Variants in SLC45A1 observed in about 807,000 individuals in gnomAD.
The protein encoded by SLC45A1 is solute carrier family 45 member 1.
Under a neutral mutation model 57.6 loss-of-function variants are expected in SLC45A1, and 28 were observed. The observed-to-expected ratio is 0.49, with a 90% CI of 0.36 to 0.67. SLC45A1 has a LOEUF of 0.67. SLC45A1 is among the 30% of genes least tolerant of loss of function. The pLI, the probability that SLC45A1 is intolerant of heterozygous loss-of-function variation, is 0.00. For missense variants in SLC45A1, 814 were observed against 1,041.5 expected, an observed-to-expected ratio of 0.78 and a Z score of 3.01; for synonymous variants, 459 against 471.5, an observed-to-expected ratio of 0.97 and a Z score of 0.34.
rs1020218395 is a variant in SLC45A1, at chr1:8,340,039, C to A, written c.1980+341C>A. 2.0e-4 allele frequency among the ~76,000 whole-genome samples: 30 copies of A among 152,270 alleles called. No homozygotes were observed. In the South Asian group the frequency reaches 3.7e-3, roughly 19 times the overall value. On this transcript the variant is annotated intron_variant, in intron 8 of 8. Transcript: ENST00000471889. The stretch of plus-strand genomic sequence containing the variant: ...CCTGTCCCAGCCATTCAGGGTGGGG[C>A]TTATGGGGAGGCAGTGAAGCTCGGA...
At position 8,330,205 on chromosome 1, in the gene SLC45A1, C is replaced by T. The variant is rs370872627; in HGVS notation, c.716-4C>T. ...GGGAACTCAAACCCTGTCTCTTTCC[C>T]CAGGTCTCGGAGGAGGCTTTGGATA... On this transcript the variant is annotated splice_polypyrimidine_tract_variant and splice_region_variant and intron_variant, in intron 4 of 8. Transcript: ENST00000471889. The surrounding 1 kb of genome is among the most constrained non-coding windows in gnomAD (Gnocchi z 8.4). 4 of 1,611,132 alleles carry T rather than the reference C, an allele frequency of 2.5e-6. No homozygotes were observed. The South Asian group carries it at 3.3e-5, about 13-fold the overall frequency.
At chr1:8,319,555 CAGGGAGATG>C (rs1346370323) in intron 1 of SLC45A1, among the ~76,000 whole-genome samples, 1 of 152,144 alleles carries the variant, frequency 6.6e-6, no homozygotes, top group African/African-American at 2.4e-5. Context: ...TCGGGGGATC[CAGGGAGATG>C]AGTGGATTTC....
Position 8,343,956 on chromosome 1 carries a change from A to C in SLC45A1, c.2190A>C (p.Glu730Asp), listed in dbSNP as rs545334376. Residue 730 changes from glutamate (E) to aspartate (D), a missense_variant, in exon 9 of 9, where the codon GAA (glutamate) becomes GAC (aspartate). Physicochemically the swap from Glu to Asp is conservative, Grantham distance 45. Coordinates refer to ENST00000471889, the MANE Select transcript of SLC45A1 (RefSeq NM_001080397.3). This position sits in a 1 kb window ranked among gnomAD's most constrained non-coding sequence, Gnocchi z 7.7. The part of the protein sequence containing the change: ...CLYSSLFVIY[E>D]IPPSDAADEE... The stretch of plus-strand genomic sequence containing the variant: ...ACTCCTCCCTGTTTGTCATTTATGA[A>C]ATTCCTCCCAGCGACGCTGCAGACG... 1.6e-5 allele frequency: 26 copies of C among 1,613,868 alleles called. No individual in the cohort carries two copies. The highest frequency in any genetic ancestry group is 9.9e-5 in the South Asian group (9 of 91,056).
In SLC45A1 at chr1:8,328,660, G is replaced by A. The variant is rs1162812053; in HGVS notation, c.716-1549G>A. ...TCAAGACCAGCTTGGCCAACATGGT[G>A]AAACCCCATCTCTACTAAACATACA... On this transcript the variant is annotated intron_variant, in intron 4 of 8. Transcript: ENST00000471889. This position sits in a 1 kb window ranked among gnomAD's most constrained non-coding sequence, Gnocchi z 4.6. Among the ~76,000 whole-genome samples the A allele has an allele frequency of 2.0e-5, 3 of 151,730 alleles. No individual in the cohort carries two copies. The highest frequency in any genetic ancestry group is 1.3e-4 in the Admixed American group (2 of 15,222).
chr1:8,325,650 A>G lies in SLC45A1; in HGVS notation c.491-168A>G, dbSNP rs1046593075. Among the ~76,000 whole-genome samples, 1 of 152,128 alleles carries G rather than the reference A, an allele frequency of 6.6e-6. No homozygotes were observed. The highest frequency in any genetic ancestry group is 1.9e-4 in the East Asian group (1 of 5,196). On this transcript the variant is annotated intron_variant, in intron 3 of 8. Transcript: ENST00000471889. This position sits in a 1 kb window ranked among gnomAD's most constrained non-coding sequence, Gnocchi z 6.3. Reference sequence around the variant, plus strand: ...CTTAATGAAATAAAAACCCCCATCCAAGTGCAAAATATATGGTGAGTTTGC... The same window carrying G: ...CTTAATGAAATAAAAACCCCCATCCGAGTGCAAAATATATGGTGAGTTTGC...
In SLC45A1 at chr1:8,330,889, G is replaced by A. The variant is rs199714755; in HGVS notation, c.1396G>A (p.Gly466Arg). 5.0e-6 allele frequency: 8 copies of A among 1,603,162 alleles called. No individual in the cohort carries two copies. The Admixed American group carries it at 6.7e-5, about 13-fold the overall frequency. Residue 466 changes from glycine (G) to arginine (R), a missense_variant, in exon 5 of 9, where the codon GGG becomes AGG. Transcript: ENST00000471889. The surrounding 1 kb of genome is among the most constrained non-coding windows in gnomAD (Gnocchi z 8.4). ...GGCCATCCCGGACGCAGCCGGAGGAGGGGGTCCCGAAACCAGCAGGAGAAG... is the reference window on the plus strand; with the variant it reads ...GGCCATCCCGGACGCAGCCGGAGGAAGGGGTCCCGAAACCAGCAGGAGAAG... ...TLAIPDAAGGGGPETSRRRNV... is the reference protein window; with the variant it reads ...TLAIPDAAGGRGPETSRRRNV...
At chr1:8,342,071 G>A (rs1167968082) in intron 8 of SLC45A1, among the ~76,000 whole-genome samples, 2 of 148,626 alleles carry the variant, frequency 1.3e-5, no homozygotes, top group African/African-American at 5.0e-5. Context: ...GCCGGGCGTG[G>A]TGGCGGGCGC....
chr1:8,324,389 A>G lies in SLC45A1; in HGVS notation c.60A>G (p.Pro20=). 6.2e-7 allele frequency: 1 copy of G among 1,612,562 alleles called. No homozygotes were observed. The highest frequency in any genetic ancestry group is 8.5e-7 in the Non-Finnish European group (1 of 1,179,918). ...PGDALFPSVA[P]QDFWRSQVTG... is the part of the protein sequence containing the mutation. ...ATGCCCTCTTCCCCAGCGTGGCCCC[A>G]CAGGACTTCTGGAGGTCCCAGGTCA... is the stretch of plus-strand genomic sequence containing the variant. Residue 20 remains proline, a synonymous_variant, in exon 2 of 9, where the codon CCA becomes CCG. Coordinates refer to ENST00000471889, the MANE Select transcript of SLC45A1 (RefSeq NM_001080397.3).
In SLC45A1 at chr1:8,335,885, G is replaced by A. The variant is rs1640595193; in HGVS notation, c.1597+295G>A. On this transcript the variant is annotated intron_variant, in intron 6 of 8. Coordinates refer to ENST00000471889, the MANE Select transcript of SLC45A1 (RefSeq NM_001080397.3). This position sits in a 1 kb window ranked among gnomAD's most constrained non-coding sequence, Gnocchi z 4.1. ...AGAGCCAAAATTCTCACTACCAGAA[G>A]CCCTTTGGACAACTCCACAGTGAAA... 6.6e-6 allele frequency among the ~76,000 whole-genome samples: 1 copy of A among 152,170 alleles called. No individual in the cohort carries two copies. The highest frequency in any genetic ancestry group is 1.5e-5 in the Non-Finnish European group (1 of 68,038).
At chr1:8,319,994 A>T (rs112673896) in intron 1 of SLC45A1, among the ~76,000 whole-genome samples, 1 of 152,130 alleles carries the variant, frequency 6.6e-6, no homozygotes, top group African/African-American at 2.4e-5. Context: ...CTGGCATTAC[A>T]GGCGTCAGCC....
chr1:8,325,346 C>T lies in SLC45A1; in HGVS notation c.446C>T (p.Ser149Leu), dbSNP rs1206096349. 6.2e-7 allele frequency: 1 copy of T among 1,613,322 alleles called. No homozygotes were observed. Residue 149 changes from serine (S) to leucine (L), a missense_variant, in exon 3 of 9, where the codon TCA becomes TTA. Coordinates refer to ENST00000471889, the MANE Select transcript of SLC45A1 (RefSeq NM_001080397.3). The surrounding 1 kb of genome is among the most constrained non-coding windows in gnomAD (Gnocchi z 6.3). ...GGTGCTTGGAGTGACCGGTGTACCTCAAGGTTTGGAAGGAGACGCCCTTTC... is the reference window on the plus strand; with the variant it reads ...GGTGCTTGGAGTGACCGGTGTACCTTAAGGTTTGGAAGGAGACGCCCTTTC... ...LLGAWSDRCT[S>L]RFGRRRPFIL...
rs55944229 is a variant in SLC45A1, at chr1:8,341,558, GAA to G, written c.1980+1874_1980+1875del. Among the ~76,000 whole-genome samples the G allele has an allele frequency of 2.2e-5, 3 of 134,174 alleles. No individual in the cohort carries two copies. The Admixed American group carries it at 2.4e-4, about 11-fold the overall frequency. The allele number at this position is 134,174 out of a possible 152,430, so 88.0% of individuals were successfully genotyped here. On this transcript the variant is annotated intron_variant, in intron 8 of 8. Coordinates refer to ENST00000471889, the MANE Select transcript of SLC45A1 (RefSeq NM_001080397.3). ...TCAAAAAAAAAGATAGTAATACTTTGAAAAAAAAAAAAAAAGGATCAGTAACA... is the reference window on the plus strand; with the variant it reads ...TCAAAAAAAAAGATAGTAATACTTTGAAAAAAAAAAAAAGGATCAGTAACA...
rs1463615693 is a variant in SLC45A1 at position 8,326,873 on chromosome 1, G to C, written c.715+831G>C. ...CACATGCCTGTAATCCCAGCTACTT[G>C]GGAGGCTGAGGCAGGAGAATCACTT... is the stretch of plus-strand genomic sequence containing the variant. On this transcript the variant is annotated intron_variant, in intron 4 of 8. Transcript: ENST00000471889. The surrounding 1 kb of genome is among the most constrained non-coding windows in gnomAD (Gnocchi z 5.5). Among the ~76,000 whole-genome samples the C allele has an allele frequency of 1.3e-5, 2 of 152,200 alleles. No individual in the cohort carries two copies. Among genetic ancestry groups the C allele is most frequent in the Non-Finnish European group, 2.9e-5 (2 of 68,026 alleles).
chr1:8,331,903 C>G (rs1640423086), intron 5 of SLC45A1, among the ~76,000 whole-genome samples: 1 of 151,316 alleles, frequency 6.6e-6, no homozygotes. Flanking sequence ...CGCCATTCTT[C>G]TGCCTCAGCC....
intron 1 of SLC45A1, among the ~76,000 whole-genome samples, chr1:8,324,069 G>A (rs929961557): frequency 5.9e-5 from 9 of 152,198 alleles, no homozygotes; most frequent in African/African-American, 9.6e-5. Flanking sequence ...TGAGTTTGAG[G>A]TGGGGACCTG....
rs112599640 is a variant in SLC45A1, at chr1:8,324,290, C to T, written c.-24-16C>T. 1.0e-4 allele frequency: 163 copies of T among 1,595,344 alleles called. 1 individual carries two copies. The highest frequency in any genetic ancestry group is 9.6e-4 in the African/African-American group (72 of 74,718). ...GGCAAAAGTAACTGTGGCCTCCCCA[C>T]GGGCTTTCCTCACAGGGACGCCCAC... On this transcript the variant is annotated splice_polypyrimidine_tract_variant and intron_variant, in intron 1 of 8. Coordinates refer to ENST00000471889, the MANE Select transcript of SLC45A1 (RefSeq NM_001080397.3).
rs748894712 is a variant in SLC45A1 at position 8,325,326 on chromosome 1, T to C, written c.426T>C (p.Ala142=). The change falls in exon 3 of 9, where the codon GCT becomes GCC. Residue 142 remains alanine, a synonymous_variant. Coordinates refer to ENST00000471889, the MANE Select transcript of SLC45A1 (RefSeq NM_001080397.3). The surrounding 1 kb of genome is among the most constrained non-coding windows in gnomAD (Gnocchi z 6.3). ...TCCTACTGCAGCCTCTGTTGGGTGC[T>C]TGGAGTGACCGGTGTACCTCAAGGT... The part of the protein sequence containing the change: ...LGFLLQPLLG[A]WSDRCTSRFG... 2 of 1,613,758 alleles carry C rather than the reference T, an allele frequency of 1.2e-6. No homozygotes were observed. The highest frequency in any genetic ancestry group is 2.7e-5 in the African/African-American group (2 of 74,854).
At chr1:8,319,893 T>C (rs886433255) in intron 1 of SLC45A1, among the ~76,000 whole-genome samples, 1 of 152,114 alleles carries the variant, frequency 6.6e-6, no homozygotes, top group Non-Finnish European at 1.5e-5. Context: ...ATTTTTTGTA[T>C]TTTTAGTAGA....
At position 8,337,856 on chromosome 1, in the gene SLC45A1, C is replaced by T. The variant is rs1285644963; in HGVS notation, c.1638C>T (p.Asp546=). 3 of 1,614,238 alleles carry T rather than the reference C, an allele frequency of 1.9e-6. No homozygotes were observed. The East Asian group carries it at 6.7e-5, about 36-fold the overall frequency. ...SFEGMLLFYT[D]FMGEVVFQGD... is the part of the protein sequence containing the mutation. ...AGGGGATGTTGCTCTTCTACACAGACTTCATGGGCGAGGTGGTGTTTCAGG... is the reference window on the plus strand; with the variant it reads ...AGGGGATGTTGCTCTTCTACACAGATTTCATGGGCGAGGTGGTGTTTCAGG... Residue 546 remains aspartate (D), a synonymous_variant, in exon 7 of 9, where the codon GAC becomes GAT. Transcript: ENST00000471889.
Sources: gnomAD v4.1 joint callset for allele counts (sites outside exome capture counted in the v4.1 genomes callset) on GRCh38, gnomAD v4.1.1 for gene constraint, Gnocchi (gnomAD v3.1) non-coding constraint, MANE v1.5 for transcripts, NCBI Gene and HGNC (gene_info 2026-07-23, HGNC 2026-07-21) for gene names.